The following CFAP47 variants were observed in gnomAD, a reference collection of about 807,000 sequenced individuals.
CFAP47 encodes cilia- and flagella-associated protein 47.
In CFAP47, 29 loss-of-function variants were observed where a neutral mutation model predicts 148.1. That is an observed-to-expected ratio of 0.20 (90% CI 0.15 to 0.27). CFAP47 has a LOEUF of 0.27. Ranked by LOEUF, CFAP47 falls within the 10% of genes least tolerant of loss-of-function variation. The pLI, the probability that CFAP47 is intolerant of heterozygous loss-of-function variation, is 1.00. For synonymous variants in CFAP47, 664 were observed against 577.3 expected (o/e 1.15, Z -2.15); for missense variants, 1,872 against 1,697.5 (o/e 1.10, Z -1.81).
chrX:36,336,099 G>A (rs1941602444), intron 57 of CFAP47, among the ~76,000 whole-genome samples: 1 of 110,037 alleles, frequency 9.1e-6, no homozygotes, highest in Non-Finnish European at 1.9e-5. Context: ...GCCTAGTTAA[G>A]ACTTCCCCTC....
intron 40 of CFAP47, among the ~76,000 whole-genome samples, chrX:36,182,233 C>G (rs1939758683): frequency 8.9e-6 from 1 of 112,234 alleles, no homozygotes. Context: ...CACAGCACTT[C>G]TGTTTGTAGC....
Position 35,951,297 on chromosome X carries a change from A to G in CFAP47, c.823A>G (p.Asn275Asp), listed in dbSNP as rs776647141. Reference sequence around the variant, plus strand: ...AATTAAACATGCACGTGTATACAATAATAGCCCAGAGCCCATAAATTGGGT... The same window carrying G: ...AATTAAACATGCACGTGTATACAATGATAGCCCAGAGCCCATAAATTGGGT... ...SKIKHARVYN[N>D]SPEPINWVAI... The change falls in exon 5 of 64, where the codon AAT becomes GAT. Residue 275 changes from asparagine to aspartate, a missense_variant. Transcript: ENST00000378653. 1 of 1,210,718 alleles carries G rather than the reference A, an allele frequency of 8.3e-7. No homozygotes were observed. The highest frequency in any genetic ancestry group is 1.1e-6 in the Non-Finnish European group (1 of 894,916).
In CFAP47 at chrX:35,957,038, G is replaced by A. The variant is rs187731111; in HGVS notation, c.1410+842G>A. Among the ~76,000 whole-genome samples, 262 of 109,055 alleles carry A rather than the reference G, an allele frequency of 2.4e-3. 2 individuals are homozygous for A. Among genetic ancestry groups the A allele is most frequent in the South Asian group, 7.8e-3 (19 of 2,437 alleles). 94.7% of individuals were successfully genotyped at this position (109,055 alleles called of 115,157 possible). ...ATCCTGGCCGACATGGTGAAACCCC[G>A]TCTCTACTAAAAATATGAAAATTAG... On this transcript the variant is annotated intron_variant, in intron 8 of 63. Coordinates refer to ENST00000378653, the MANE Select transcript of CFAP47 (RefSeq NM_001304548.2).
Position 36,137,401 on chromosome X carries a change from C to T in CFAP47, c.5321-557C>T, listed in dbSNP as rs757777393. Among the ~76,000 whole-genome samples, 32 of 111,372 alleles carry T rather than the reference C, an allele frequency of 2.9e-4. No individual in the cohort carries two copies. The Admixed American group carries it at 3.0e-3, about 10-fold the overall frequency. On this transcript the variant is annotated intron_variant, in intron 33 of 63. Coordinates refer to ENST00000378653, the MANE Select transcript of CFAP47 (RefSeq NM_001304548.2). Reference sequence around the variant, plus strand: ...CTTCCTCTTTTTGTTCCAGACTCAGCGTAGTAATCATGTCTGTAATTGAGA... The same window carrying T: ...CTTCCTCTTTTTGTTCCAGACTCAGTGTAGTAATCATGTCTGTAATTGAGA...
intron 45 of CFAP47, among the ~76,000 whole-genome samples, chrX:36,225,733 C>T (rs979163346): frequency 6.3e-5 from 7 of 111,232 alleles, no homozygotes; most frequent in Admixed American, 1.9e-4. Flanking sequence ...ACTTCTTGCA[C>T]GTGCAGAGAG....
chrX:36,378,701 G>A (rs1017660844), intron 62 of CFAP47, among the ~76,000 whole-genome samples: 3 of 109,572 alleles, frequency 2.7e-5, no homozygotes, highest in African/African-American at 6.7e-5. Flanking sequence ...CACCATGCCC[G>A]GCTAATTTTT....
At chrX:36,338,737 T>G (rs1556015299) in intron 57 of CFAP47, among the ~76,000 whole-genome samples, 1 of 111,906 alleles carries the variant, frequency 8.9e-6, no homozygotes, top group Non-Finnish European at 1.9e-5. Flanking sequence ...AAGTTCTAAA[T>G]TGATAGCCTC....
intron 39 of CFAP47, among the ~76,000 whole-genome samples, chrX:36,167,906 C>T (rs910222069): frequency 1.8e-5 from 2 of 110,896 alleles, no homozygotes; most frequent in African/African-American, 6.6e-5. Flanking sequence ...TTTGGGTTTC[C>T]TTGTTTGTTT....
intron 8 of CFAP47, among the ~76,000 whole-genome samples, chrX:35,963,279 G>A (rs1936358475): frequency 9.1e-6 from 1 of 109,532 alleles, no homozygotes; most frequent in African/African-American, 3.3e-5. Context: ...TAATAAAAGG[G>A]TATAAATATT....
intron 61 of CFAP47, among the ~76,000 whole-genome samples, chrX:36,364,919 TATATATATATATATATATATATATAC>T (rs1941860571): frequency 1.4e-5 from 1 of 71,342 alleles, no homozygotes; most frequent in African/African-American, 1.1e-4. Context: ...TATATATATA[TATATATATATATATATATATATATAC>T]ACACACACAC....
chrX:36,339,729 TA>T (rs782655595), intron 57 of CFAP47, among the ~76,000 whole-genome samples: 2 of 112,074 alleles, frequency 1.8e-5, no homozygotes, highest in East Asian at 2.8e-4. Context: ...GTGTTCACAG[TA>T]AAAGCAATTT....
chrX:35,963,436 G>A (rs905430204), intron 8 of CFAP47, among the ~76,000 whole-genome samples: 6 of 110,026 alleles, frequency 5.5e-5, no homozygotes, highest in African/African-American at 2.0e-4. Flanking sequence ...ATAGAGCTGG[G>A]GGAAAGAAAT....
At chrX:36,207,589 T>A (rs1343710829) in intron 45 of CFAP47, among the ~76,000 whole-genome samples, 1 of 111,867 alleles carries the variant, frequency 8.9e-6, no homozygotes, top group African/African-American at 3.3e-5. Context: ...AGCTTTATGA[T>A]TTTTTACTTT....
At chrX:35,952,984 T>C (rs112015955) in intron 6 of CFAP47, among the ~76,000 whole-genome samples, 2,057 of 112,179 alleles carry the variant, frequency 0.018, 52 homozygotes, top group African/African-American at 0.062. Flanking sequence ...ACTAGAGAGC[T>C]GACCTCTAGG....
intron 33 of CFAP47, 28 bp from the exon 34 acceptor site, chrX:36,137,930 T>G (rs1939071649): frequency 1.8e-6 from 1 of 559,807 alleles, no homozygotes; most frequent in African/African-American, 2.3e-5. Flanking sequence ...ACTATTGTTG[T>G]ATTTACTCTC....
intron 17 of CFAP47, 40 bp from the exon 18 acceptor site, chrX:35,993,150 T>A: frequency 3.5e-6 from 1 of 289,619 alleles, no homozygotes; most frequent in Admixed American, 6.2e-5. Context: ...ACTATAATTT[T>A]AAAGAATAAT....
At chrX:35,965,656 A>G (rs1936390949) in intron 8 of CFAP47, among the ~76,000 whole-genome samples, 1 of 111,959 alleles carries the variant, frequency 8.9e-6, no homozygotes, top group South Asian at 3.7e-4. Context: ...GCATACACAG[A>G]GTAATATATA....
In CFAP47 at chrX:36,192,774, G is replaced by A. The variant is rs137932234; in HGVS notation, c.6321+2578G>A. Among the ~76,000 whole-genome samples the A allele has an allele frequency of 5.5e-3, 615 of 111,740 alleles. 19 individuals are homozygous for A. The highest frequency in any genetic ancestry group is 0.053 in the Admixed American group (561 of 10,526). ...CTACAAACCTTGCTTAGAACAAATT[G>A]AGACCAAAGTCCAGGCATTGCTGAA... On this transcript the variant is annotated intron_variant, in intron 42 of 63. Coordinates refer to ENST00000378653, the MANE Select transcript of CFAP47 (RefSeq NM_001304548.2).
chrX:35,999,497 AC>A (rs1470331791), intron 19 of CFAP47, among the ~76,000 whole-genome samples: 1 of 112,203 alleles, frequency 8.9e-6, no homozygotes, highest in East Asian at 2.8e-4. Flanking sequence ...TGCTAGGGAT[AC>A]AAAAATGAAT....
Sources: allele counts gnomAD v4.1 joint callset (sites outside exome capture counted in the v4.1 genomes callset), GRCh38; gene constraint gnomAD v4.1.1; transcripts MANE v1.5; gene names NCBI Gene and HGNC (gene_info 2026-07-23, HGNC 2026-07-21).